Variants in GMPR observed in about 807,000 individuals in gnomAD.
GMPR encodes the protein GMP reductase 1.
GMPR carries 31 observed loss-of-function variants against 38.4 expected under a neutral mutation model. That is an observed-to-expected ratio of 0.81 (90% CI 0.61 to 1.09). The LOEUF is 1.09. Ranked by LOEUF, GMPR falls within the 50% of genes least tolerant of loss-of-function variation. GMPR has a pLI of 0.00. For synonymous variants in GMPR, 162 were observed against 173.3 expected (o/e 0.93, Z 0.51); for missense variants, 468 against 453.7 (o/e 1.03, Z -0.29).
chr6:16,273,607 C>T (rs879628815), intron 4 of GMPR, among the ~76,000 whole-genome samples: 1 of 152,140 alleles, frequency 6.6e-6, no homozygotes, highest in Non-Finnish European at 1.5e-5. Context: ...CTGCCCTTTC[C>T]TGTCTAGATG....
intron 7 of GMPR, among the ~76,000 whole-genome samples, chr6:16,289,222 A>C (rs1759772359): frequency 6.6e-6 from 1 of 152,214 alleles, no homozygotes; most frequent in Non-Finnish European, 1.5e-5. Flanking sequence ...AAAAAGCCTC[A>C]GCCGCGCCAC....
intron 4 of GMPR, among the ~76,000 whole-genome samples, chr6:16,263,775 T>C (rs1269187144): frequency 1.9e-5 from 2 of 103,998 alleles, no homozygotes; most frequent in Non-Finnish European, 3.9e-5. Context: ...AATAAGGGAT[T>C]GGGGTGCAGA....
chr6:16,280,803 A>G (rs1232221804), intron 6 of GMPR, among the ~76,000 whole-genome samples: 1 of 152,196 alleles, frequency 6.6e-6, no homozygotes, highest in Non-Finnish European at 1.5e-5. Flanking sequence ...TTACCTAATA[A>G]TGTTAACCAT....
chr6:16,266,796 A>G (rs937267147), intron 4 of GMPR, among the ~76,000 whole-genome samples: 3 of 147,410 alleles, frequency 2.0e-5, no homozygotes, highest in Admixed American at 6.7e-5. Flanking sequence ...CTCAAAAAAC[A>G]AACAAACAAA....
chr6:16,247,939 C>T (rs1758791732), intron 2 of GMPR, among the ~76,000 whole-genome samples: 1 of 152,042 alleles, frequency 6.6e-6, no homozygotes, highest in African/African-American at 2.4e-5. Context: ...TAGCTAATAT[C>T]CTTGCTTTGG....
intron 4 of GMPR, among the ~76,000 whole-genome samples, chr6:16,267,860 G>A (rs759712668): frequency 5.9e-5 from 9 of 152,208 alleles, no homozygotes; most frequent in Non-Finnish European, 8.8e-5. Flanking sequence ...CAGCTGCTGC[G>A]GGCAGATCTC....
At chr6:16,264,441 T>C in intron 4 of GMPR, 1 of 185,972 alleles carries the variant, frequency 5.4e-6, no homozygotes, top group Non-Finnish European at 1.1e-5. Flanking sequence ...GGGATTGATC[T>C]CCCAAGGGAG....
intron 2 of GMPR, among the ~76,000 whole-genome samples, chr6:16,248,948 T>G (rs1758810934): frequency 6.6e-6 from 1 of 152,178 alleles, no homozygotes; most frequent in African/African-American, 2.4e-5. Context: ...CATGGGTGGC[T>G]ACTGTGAATT....
At chr6:16,263,802 G>A (rs532011300) in intron 4 of GMPR, among the ~76,000 whole-genome samples, 2 of 150,982 alleles carry the variant, frequency 1.3e-5, no homozygotes, top group Admixed American at 1.3e-4. Context: ...TCAGGGCACA[G>A]AAATAAGGGA....
chr6:16,289,848 A>ATTTTTTTTTTT lies in GMPR; in HGVS notation c.698-587_698-577dup, dbSNP rs546450494. On this transcript the variant is annotated intron_variant, in intron 7 of 8. Transcript: ENST00000259727. ...AACTTGCTTTCTAAGATACTGCCCA[A>ATTTTTTTTTTT]TTTTTTTTTTTTTTTTTTTTTTTTT... 218 of 63,186 alleles carry ATTTTTTTTTTT rather than the reference A, an allele frequency of 3.5e-3. 39 individuals are homozygous for ATTTTTTTTTTT. Among genetic ancestry groups the ATTTTTTTTTTT allele is most frequent in the African/African-American group, 0.012 (170 of 14,176 alleles). The allele number at this position is 63,186 out of a possible 1,614,324, so 3.9% of individuals were successfully genotyped here.
chr6:16,288,350 C>T (rs961418307), intron 7 of GMPR, among the ~76,000 whole-genome samples: 8 of 152,150 alleles, frequency 5.3e-5, no homozygotes, highest in Admixed American at 1.3e-4. Context: ...GCACTCGGAG[C>T]GGCCGGCTGG....
chr6:16,281,455 G>A (rs1420524643), intron 6 of GMPR, among the ~76,000 whole-genome samples: 1 of 151,982 alleles, frequency 6.6e-6, no homozygotes, highest in Non-Finnish European at 1.5e-5. Context: ...GATCTTGCTT[G>A]TGTTCTCTGA....
chr6:16,294,500 C>T (rs1332583721), intron 8 of GMPR, among the ~76,000 whole-genome samples: 2 of 152,184 alleles, frequency 1.3e-5, no homozygotes, highest in Non-Finnish European at 2.9e-5. Context: ...ACCAGACAGG[C>T]GGGAGGTGAA....
intron 7 of GMPR, among the ~76,000 whole-genome samples, chr6:16,286,748 CA>C (rs1048412979): frequency 4.0e-5 from 6 of 149,168 alleles, no homozygotes; most frequent in South Asian, 4.3e-4. Context: ...ACTAAAAATA[CA>C]AAAAAAAATA....
intron 4 of GMPR, among the ~76,000 whole-genome samples, chr6:16,270,272 T>G (rs1759356766): frequency 6.6e-6 from 1 of 152,148 alleles, no homozygotes; most frequent in Non-Finnish European, 1.5e-5. Flanking sequence ...GAAGAGGGGT[T>G]GCCTATCAGA....
At chr6:16,244,074 C>G (rs981566236) in intron 1 of GMPR, among the ~76,000 whole-genome samples, 2 of 150,674 alleles carry the variant, frequency 1.3e-5, no homozygotes, top group South Asian at 2.1e-4. Context: ...TGTTCTGGTG[C>G]CTTTCTGGTT....
chr6:16,263,912 C>T (rs1759139045), intron 4 of GMPR, among the ~76,000 whole-genome samples: 1 of 151,170 alleles, frequency 6.6e-6, no homozygotes, highest in South Asian at 2.1e-4. Flanking sequence ...AAAAGTGGGA[C>T]TTGCCGCTAA....
At chr6:16,291,763 T>C (rs1321632697) in intron 8 of GMPR, among the ~76,000 whole-genome samples, 2 of 152,028 alleles carry the variant, frequency 1.3e-5, no homozygotes, top group African/African-American at 4.8e-5. Context: ...AATTAAAAAT[T>C]AGCTGGGTGT....
intron 3 of GMPR, among the ~76,000 whole-genome samples, chr6:16,252,483 C>T (rs1425766355): frequency 6.6e-6 from 1 of 152,002 alleles, no homozygotes; most frequent in African/African-American, 2.4e-5. Context: ...AATGATCCAC[C>T]CACCTCGGCC....
Sources: allele counts gnomAD v4.1 joint callset (sites outside exome capture counted in the v4.1 genomes callset), GRCh38; gene constraint gnomAD v4.1.1; transcripts MANE v1.5; gene names NCBI Gene and HGNC (gene_info 2026-07-23, HGNC 2026-07-21).